The following GPC5 variants were observed in gnomAD, a reference collection of about 807,000 sequenced individuals.
GPC5 encodes glypican 5, also known as glypican-5.
A neutral mutation model predicts 53.9 loss-of-function variants in GPC5; 47 were observed. That is an observed-to-expected ratio of 0.87 (90% CI 0.69 to 1.11). The LOEUF (loss-of-function observed/expected upper bound fraction) is 1.11. Among genes scored for constraint, GPC5 ranks in the 50% most tolerant of loss-of-function variants. GPC5 has a pLI of 0.00. For synonymous variants in GPC5, 286 were observed against 263.3 expected, an observed-to-expected ratio of 1.09 and a Z score of -0.84; for missense variants, 748 against 713.1, an observed-to-expected ratio of 1.05 and a Z score of -0.56.
At position 92,255,746 on chromosome 13, in the gene GPC5, C is replaced by T. The variant is rs568744335; in HGVS notation, c.1561+110757C>T. Among the ~76,000 whole-genome samples, 366 of 152,202 alleles carry T rather than the reference C, an allele frequency of 2.4e-3. 3 individuals carry two copies. The highest frequency in any genetic ancestry group is 8.4e-3 in the African/African-American group (348 of 41,560). On this transcript the variant is annotated intron_variant, in intron 7 of 7. Coordinates refer to ENST00000377067, the MANE Select transcript of GPC5 (RefSeq NM_004466.6). ...GCAGTAACACAGCTGGGACTCTTGG[C>T]TTCCAAGTATTTGGAACACTCACAA...
chr13:91,934,314 G>A (rs573448276), intron 6 of GPC5, among the ~76,000 whole-genome samples: 14 of 151,850 alleles, frequency 9.2e-5, no homozygotes, highest in Non-Finnish European at 1.9e-4. Flanking sequence ...GTGAAGTATT[G>A]TAAAAAATGA....
intron 2 of GPC5, among the ~76,000 whole-genome samples, chr13:91,638,586 G>A (rs919356412): frequency 2.6e-5 from 4 of 151,986 alleles, no homozygotes; most frequent in African/African-American, 7.2e-5. Flanking sequence ...GGCTGGTCTC[G>A]AACTCCTGAC....
At chr13:91,584,547 T>A (rs1405769223) in intron 2 of GPC5, among the ~76,000 whole-genome samples, 1 of 152,082 alleles carries the variant, frequency 6.6e-6, no homozygotes, top group African/African-American at 2.4e-5. Context: ...TCATTGATAA[T>A]ATAAGAGAAA....
At chr13:91,984,509 C>T (rs939157559) in intron 6 of GPC5, among the ~76,000 whole-genome samples, 1 of 152,184 alleles carries the variant, frequency 6.6e-6, no homozygotes, top group Non-Finnish European at 1.5e-5. Flanking sequence ...CTGCAAAGAG[C>T]ACGCTCACGT....
rs574833306 is a variant in GPC5, at chr13:92,053,973, G to A, written c.1402-90857G>A. On this transcript the variant is annotated intron_variant, in intron 6 of 7. Coordinates refer to ENST00000377067, the MANE Select transcript of GPC5 (RefSeq NM_004466.6). ...CTTGAACCCGGGAGGCAGAGGTTGC[G>A]ATGAGCTGAGATCGCGCCACTGCAC... 2.8e-4 allele frequency among the ~76,000 whole-genome samples: 43 copies of A among 151,648 alleles called. No homozygotes were observed. In the East Asian group the frequency reaches 3.3e-3, roughly 12 times the overall value.
At chr13:92,845,483 G>T (rs962759567) in intron 7 of GPC5, among the ~76,000 whole-genome samples, 2 of 152,130 alleles carry the variant, frequency 1.3e-5, no homozygotes, top group Non-Finnish European at 2.9e-5. Flanking sequence ...ACACACAGAG[G>T]TTTCTCTCTT....
intron 7 of GPC5, among the ~76,000 whole-genome samples, chr13:92,159,304 C>G (rs979409800): frequency 1.6e-4 from 24 of 152,264 alleles, no homozygotes; most frequent in African/African-American, 5.8e-4. Flanking sequence ...GGCATTACAT[C>G]AAAGCAGAGA....
chr13:92,238,340 C>T (rs1025973853), intron 7 of GPC5, among the ~76,000 whole-genome samples: 5 of 151,930 alleles, frequency 3.3e-5, no homozygotes, highest in African/African-American at 9.7e-5. Flanking sequence ...CCAATTTATT[C>T]ACATCCTCAC....
At chr13:91,467,263 A>G (rs1389296504) in intron 2 of GPC5, among the ~76,000 whole-genome samples, 1 of 152,194 alleles carries the variant, frequency 6.6e-6, no homozygotes, top group African/African-American at 2.4e-5. Context: ...GAAAACGGTG[A>G]CATTAGGTGA....
chr13:92,246,671 A>T (rs370421544), intron 7 of GPC5, among the ~76,000 whole-genome samples: 3 of 152,156 alleles, frequency 2.0e-5, no homozygotes, highest in Admixed American at 1.3e-4. Flanking sequence ...CTACTAAAAT[A>T]TAAAGTCCAG....
At chr13:91,768,260 A>C (rs1403547582) in intron 5 of GPC5, among the ~76,000 whole-genome samples, 2 of 152,166 alleles carry the variant, frequency 1.3e-5, no homozygotes, top group Non-Finnish European at 2.9e-5. Flanking sequence ...ATCAGATAGC[A>C]CATTTTATTG....
intron 2 of GPC5, among the ~76,000 whole-genome samples, chr13:91,503,766 G>T (rs924660335): frequency 7.6e-6 from 1 of 131,590 alleles, no homozygotes; most frequent in African/African-American, 2.9e-5. Flanking sequence ...GGGACAGAGT[G>T]AGACTCTGTC....
chr13:91,646,869 T>C (rs902430098), intron 2 of GPC5, among the ~76,000 whole-genome samples: 4 of 152,174 alleles, frequency 2.6e-5, no homozygotes, highest in African/African-American at 7.2e-5. Context: ...GGTGGATGTA[T>C]GTAAAAGTGG....
At chr13:92,215,451 A>G (rs1339950769) in intron 7 of GPC5, among the ~76,000 whole-genome samples, 1 of 152,194 alleles carries the variant, frequency 6.6e-6, no homozygotes, top group Non-Finnish European at 1.5e-5. Context: ...GGAATCAAGT[A>G]GAAAGTAAAA....
At chr13:92,750,345 T>G (rs1009857111) in intron 7 of GPC5, among the ~76,000 whole-genome samples, 2 of 152,160 alleles carry the variant, frequency 1.3e-5, no homozygotes, top group Non-Finnish European at 2.9e-5. Flanking sequence ...TTTATGTAAA[T>G]TTCATTATAT....
At chr13:92,177,381 A>G (rs1316332928) in intron 7 of GPC5, among the ~76,000 whole-genome samples, 1 of 152,214 alleles carries the variant, frequency 6.6e-6, no homozygotes, top group Non-Finnish European at 1.5e-5. Flanking sequence ...AGCGTATCCC[A>G]TCTCACTTTC....
At chr13:91,727,181 T>G (rs2036592922) in intron 3 of GPC5, among the ~76,000 whole-genome samples, 1 of 152,232 alleles carries the variant, frequency 6.6e-6, no homozygotes, top group Admixed American at 6.5e-5. Context: ...TCTCTAGCAA[T>G]TAACATAGTA....
At chr13:92,803,765 T>C (rs1876993648) in intron 7 of GPC5, among the ~76,000 whole-genome samples, 1 of 151,988 alleles carries the variant, frequency 6.6e-6, no homozygotes. Flanking sequence ...TATCTACATG[T>C]CTCAAATTGA....
chr13:91,843,695 G>T (rs1350870312), intron 5 of GPC5, among the ~76,000 whole-genome samples: 1 of 152,216 alleles, frequency 6.6e-6, no homozygotes, highest in Non-Finnish European at 1.5e-5. Flanking sequence ...TGTATGAAGA[G>T]TAGGTGGCTG....
Sources: allele counts gnomAD v4.1 joint callset (sites outside exome capture counted in the v4.1 genomes callset), GRCh38; gene constraint gnomAD v4.1.1; transcripts MANE v1.5; gene names NCBI Gene and HGNC (gene_info 2026-07-23, HGNC 2026-07-21).